The following CCSER1 variants were observed in gnomAD, a reference collection of about 807,000 sequenced individuals.
CCSER1 encodes serine-rich coiled-coil domain-containing protein 1.
Under a neutral mutation model 82.0 loss-of-function variants are expected in CCSER1, and 41 were observed. That is an observed-to-expected ratio of 0.50 (90% CI 0.39 to 0.65). The LOEUF is 0.65. CCSER1 is among the 30% of genes least tolerant of loss of function. The pLI is 0.00. For missense variants in CCSER1, 1,119 were observed against 1,064.2 expected (o/e 1.05, Z -0.72); for synonymous variants, 414 against 383.9 (o/e 1.08, Z -0.92).
chr4:90,706,013 T>A (rs1391788469), intron 6 of CCSER1, among the ~76,000 whole-genome samples: 2 of 152,152 alleles, frequency 1.3e-5, no homozygotes, highest in Non-Finnish European at 2.9e-5. Flanking sequence ...CCCAGTGAGA[T>A]GAACCTGGTA....
At chr4:90,882,980 G>A (rs866078394) in intron 8 of CCSER1, among the ~76,000 whole-genome samples, 1 of 151,968 alleles carries the variant, frequency 6.6e-6, no homozygotes, top group African/African-American at 2.4e-5. Flanking sequence ...AACATTTTAT[G>A]TTTAGAACAA....
intron 4 of CCSER1, among the ~76,000 whole-genome samples, chr4:90,430,149 A>G (rs1053255471): frequency 6.6e-5 from 10 of 151,972 alleles, no homozygotes; most frequent in Admixed American, 3.9e-4. Context: ...TCTTCTTTGT[A>G]TAAATTGATG....
chr4:91,084,402 GC>G (rs1330108581), intron 9 of CCSER1, among the ~76,000 whole-genome samples: 1 of 152,100 alleles, frequency 6.6e-6, no homozygotes, highest in Non-Finnish European at 1.5e-5. Flanking sequence ...ACATTTGGTA[GC>G]TACTATATTT....
chr4:91,288,879 G>A (rs1159546340), intron 10 of CCSER1, among the ~76,000 whole-genome samples: 1 of 152,014 alleles, frequency 6.6e-6, no homozygotes, highest in African/African-American at 2.4e-5. Flanking sequence ...TGACAGCCAG[G>A]AACGTAGTGC....
chr4:90,643,414 C>T (rs1477396911), intron 6 of CCSER1, among the ~76,000 whole-genome samples: 6 of 152,208 alleles, frequency 3.9e-5, no homozygotes, highest in Middle Eastern at 3.4e-3. Flanking sequence ...GCATTGGGTC[C>T]GTGACATTGG....
intron 10 of CCSER1, among the ~76,000 whole-genome samples, chr4:91,106,807 C>G (rs1157909549): frequency 6.6e-6 from 1 of 152,172 alleles, no homozygotes; most frequent in Admixed American, 6.5e-5. Context: ...ATGATAACCT[C>G]CAAATGATGG....
chr4:90,257,858 A>G (rs1723632028), intron 1 of CCSER1, among the ~76,000 whole-genome samples: 1 of 152,172 alleles, frequency 6.6e-6, no homozygotes, highest in African/African-American at 2.4e-5. Flanking sequence ...TATTCAGGCC[A>G]TCAAGGGATT....
intron 10 of CCSER1, among the ~76,000 whole-genome samples, chr4:91,515,865 T>C (rs1028929290): frequency 6.6e-5 from 1 of 15,140 alleles, no homozygotes; most frequent in Admixed American, 5.2e-4. Context: ...CAGCATCTCT[T>C]TTTTTTTTTT....
chr4:90,901,905 C>A (rs1459602854), intron 8 of CCSER1, among the ~76,000 whole-genome samples: 1 of 151,956 alleles, frequency 6.6e-6, no homozygotes, highest in Non-Finnish European at 1.5e-5. Context: ...TCTTTTTCTT[C>A]TTCCTCATGA....
At chr4:91,275,111 A>G (rs1342057532) in intron 10 of CCSER1, among the ~76,000 whole-genome samples, 1 of 152,106 alleles carries the variant, frequency 6.6e-6, no homozygotes, top group African/African-American at 2.4e-5. Flanking sequence ...GTCTAAAAAA[A>G]AAAAAGAAAC....
At chr4:91,082,778 G>A (rs1033316352) in intron 9 of CCSER1, among the ~76,000 whole-genome samples, 1 of 152,080 alleles carries the variant, frequency 6.6e-6, no homozygotes, top group Admixed American at 6.6e-5. Flanking sequence ...CTCAAAAGAA[G>A]ACATTTATGC....
chr4:90,346,353 CTCT>C (rs1742337616), intron 3 of CCSER1, among the ~76,000 whole-genome samples: 2 of 140,120 alleles, frequency 1.4e-5, no homozygotes, highest in South Asian at 4.5e-4. Context: ...GTGTAGATCT[CTCT>C]TCTTTATTGC....
chr4:91,484,429 G>T (rs1758112034), intron 10 of CCSER1, among the ~76,000 whole-genome samples: 1 of 152,040 alleles, frequency 6.6e-6, no homozygotes, highest in South Asian at 2.1e-4. Flanking sequence ...TGGGGTCAGG[G>T]AATATTTATT....
chr4:90,871,967 G>A (rs913159409), intron 8 of CCSER1, among the ~76,000 whole-genome samples: 3 of 151,472 alleles, frequency 2.0e-5, no homozygotes, highest in Non-Finnish European at 4.4e-5. Context: ...TATTTTGTCT[G>A]ATGTACATAG....
intron 8 of CCSER1, among the ~76,000 whole-genome samples, chr4:90,819,165 G>C (rs1759417666): frequency 6.6e-6 from 1 of 152,116 alleles, no homozygotes; most frequent in Non-Finnish European, 1.5e-5. Flanking sequence ...TAGGGAGAGA[G>C]AGAGAAGAGG....
Position 91,332,131 on chromosome 4 carries a change from A to G in CCSER1, c.2217+246137A>G, listed in dbSNP as rs1441251069. On this transcript the variant is annotated intron_variant, in intron 10 of 10. Coordinates refer to ENST00000509176, the MANE Select transcript of CCSER1 (RefSeq NM_001145065.2). ...TGTGTTGAAATCATTTCGAATGCTC[A>G]TTAAAAACTAATTTCAAATTATAAT... is the stretch of plus-strand genomic sequence containing the variant. 2.6e-5 allele frequency among the ~76,000 whole-genome samples: 4 copies of G among 152,116 alleles called. No individual in the cohort carries two copies. The East Asian group carries it at 7.7e-4, about 29-fold the overall frequency.
intron 5 of CCSER1, among the ~76,000 whole-genome samples, chr4:90,585,027 T>A (rs576912314): frequency 1.4e-4 from 21 of 152,246 alleles, no homozygotes; most frequent in African/African-American, 5.1e-4. Flanking sequence ...TGCTTATAAT[T>A]TAATAAGAAA....
chr4:91,430,400 A>C (rs1343192645), intron 10 of CCSER1, among the ~76,000 whole-genome samples: 6 of 152,204 alleles, frequency 3.9e-5, no homozygotes, highest in Non-Finnish European at 8.8e-5. Context: ...GTGAAATCTG[A>C]ATATTGACTT....
intron 9 of CCSER1, among the ~76,000 whole-genome samples, chr4:91,039,034 A>T (rs1197271574): frequency 6.6e-6 from 1 of 151,956 alleles, no homozygotes; most frequent in South Asian, 2.1e-4. Context: ...CCTTTTTTGA[A>T]TTTTTTATCT....
Sources: gnomAD v4.1 joint callset for allele counts (sites outside exome capture counted in the v4.1 genomes callset) on GRCh38, gnomAD v4.1.1 for gene constraint, MANE v1.5 for transcripts, NCBI Gene and HGNC (gene_info 2026-07-23, HGNC 2026-07-21) for gene names.